ZKSCAN2: variants seen among roughly 807,000 people sequenced by gnomAD.
ZKSCAN2 encodes the protein zinc finger with KRAB and SCAN domains 2, also known as zinc finger protein with KRAB and SCAN domains 2.
ZKSCAN2 carries 38 observed loss-of-function variants against 90.5 expected under a neutral mutation model. The ratio of observed to expected loss-of-function variants is 0.42; its 90% confidence interval spans 0.32 to 0.55. The LOEUF (loss-of-function observed/expected upper bound fraction) is 0.55. ZKSCAN2 is among the 20% of genes least tolerant of loss of function. The pLI is 0.11. For missense variants in ZKSCAN2, 1,167 were observed against 1,202.6 expected, an observed-to-expected ratio of 0.97 and a Z score of 0.44; for synonymous variants, 429 against 421.6, an observed-to-expected ratio of 1.02 and a Z score of -0.22.
rs1442654824 is a variant in ZKSCAN2 at position 25,239,990 on chromosome 16, A to G, written c.2730T>C (p.Thr910=). ...GGGCACATCCATAGGGCTTCTCTCC[A>G]GTGTGTATTCTCCGATGTTCTCGAA... is the stretch of plus-strand genomic sequence containing the variant. The part of the protein sequence containing the change: ...TRFREHRRIH[T]GEKPYGCAQC... The change falls in exon 7 of 7, where the codon ACT becomes ACC. Residue 910 remains threonine, a synonymous_variant. Coordinates refer to ENST00000328086, the MANE Select transcript of ZKSCAN2 (RefSeq NM_001012981.5). 5.6e-6 allele frequency: 9 copies of G among 1,613,900 alleles called. No homozygotes were observed. The highest frequency in any genetic ancestry group is 6.8e-6 in the Non-Finnish European group (8 of 1,179,994).
At chr16:25,245,539 G>A (rs1477634988) in intron 5 of ZKSCAN2, among the ~76,000 whole-genome samples, 1 of 152,160 alleles carries the variant, frequency 6.6e-6, no homozygotes, top group Non-Finnish European at 1.5e-5. Flanking sequence ...GCCGAGGTGG[G>A]TGGATCATTT....
intron 5 of ZKSCAN2, among the ~76,000 whole-genome samples, chr16:25,245,070 G>A (rs1424911452): frequency 6.6e-6 from 1 of 152,152 alleles, no homozygotes; most frequent in East Asian, 1.9e-4. Flanking sequence ...GGTGAGACCT[G>A]TCTAGGCATA....
chr16:25,254,325 C>G (rs1963063294), intron 2 of ZKSCAN2, among the ~76,000 whole-genome samples: 1 of 152,232 alleles, frequency 6.6e-6, no homozygotes, highest in Admixed American at 6.5e-5. Context: ...TCACTGTGGA[C>G]TGGGAAGGAC....
chr16:25,248,379 G>A (rs1421454230), intron 4 of ZKSCAN2, among the ~76,000 whole-genome samples: 1 of 147,990 alleles, frequency 6.8e-6, no homozygotes, highest in East Asian at 2.0e-4. Context: ...AAAAAGATTT[G>A]CAAACCACTC....
At chr16:25,255,644 C>T (rs1427257403) in intron 1 of ZKSCAN2, among the ~76,000 whole-genome samples, 2 of 152,280 alleles carry the variant, frequency 1.3e-5, no homozygotes, top group African/African-American at 2.4e-5. Flanking sequence ...TGCAATGGCA[C>T]GATCTTGGCT....
rs368887634 is a variant in ZKSCAN2, at chr16:25,246,840, G to C, written c.1356C>G (p.Ile452Met). Reference protein sequence around the residue: ...IPVPRLKRIAISAKEHISLVE... With the variant: ...IPVPRLKRIAMSAKEHISLVE... ...CCAAGCTGATGTGTTCCTTAGCACT[G>C]ATGGCAATTCTCTTCAGTCTGGGGA... The change falls in exon 5 of 7, where the codon ATC becomes ATG. Residue 452 changes from isoleucine to methionine, a missense_variant. By Grantham distance (10) the Ile-to-Met change is conservative. Transcript: ENST00000328086. 2.1e-5 allele frequency: 34 copies of C among 1,614,212 alleles called. 1 individual carries two copies. The highest frequency in any genetic ancestry group is 6.7e-5 in the East Asian group (3 of 44,892).
chr16:25,257,101 G>A lies in ZKSCAN2; in HGVS notation c.27C>T (p.Ile9=). MAVALDSQ[I]DAPLEVEGCL... is the part of the protein sequence containing the mutation. The stretch of plus-strand genomic sequence containing the variant: ...ATCCCTCAACCTCCAGGGGCGCGTC[G>A]ATCTGAGAGTCGAGGGCGACAGCCA... Residue 9 remains isoleucine, a synonymous_variant, in exon 1 of 7, where the codon ATC becomes ATT. Coordinates refer to ENST00000328086, the MANE Select transcript of ZKSCAN2 (RefSeq NM_001012981.5). 6.2e-7 allele frequency: 1 copy of A among 1,607,580 alleles called. No individual in the cohort carries two copies. Among genetic ancestry groups the A allele is most frequent in the Admixed American group, 1.7e-5 (1 of 59,284 alleles).
In ZKSCAN2 at chr16:25,257,199, C is replaced by A; in HGVS notation, c.-72G>T. 1 of 1,506,874 alleles carries A rather than the reference C, an allele frequency of 6.6e-7. No homozygotes were observed. The allele number at this position is 1,506,874 out of a possible 1,614,324, so 93.3% of individuals were successfully genotyped here. ...CAAAGAAGACTCCAAGCGCTCCCTG[C>A]TTAATGTTCCTGGGAGTGTGATAAG... is the stretch of plus-strand genomic sequence containing the variant. On this transcript the variant is annotated 5_prime_UTR_variant, in exon 1 of 7. Coordinates refer to ENST00000328086, the MANE Select transcript of ZKSCAN2 (RefSeq NM_001012981.5).
At chr16:25,241,178 G>A (rs1962848794) in intron 6 of ZKSCAN2, among the ~76,000 whole-genome samples, 1 of 152,084 alleles carries the variant, frequency 6.6e-6, no homozygotes, top group South Asian at 2.1e-4. Context: ...CCCACCCAAG[G>A]GTACCTGTTT....
At chr16:25,256,689 C>CT (rs1368904614) in intron 1 of ZKSCAN2, 40 bp downstream of exon 1, 34 of 1,569,940 alleles carry the variant, frequency 2.2e-5, no homozygotes, top group Non-Finnish European at 2.8e-5. Flanking sequence ...TTCCCATTCC[C>CT]TTTTTTCTAA....
rs1295056088 is a variant in ZKSCAN2, at chr16:25,257,319, T to G, written c.-192A>C. ...GGCCCTTGAAAAGGTGAACGTATAC[T>G]CTAAGATGCAAAAGCCTGGCCTCTT... On this transcript the variant is annotated 5_prime_UTR_variant, in exon 1 of 7. Transcript: ENST00000328086. 2 of 1,369,942 alleles carry G rather than the reference T, an allele frequency of 1.5e-6. No homozygotes were observed. The highest frequency in any genetic ancestry group is 1.5e-5 in the African/African-American group (1 of 68,294). The allele number at this position is 1,369,942 out of a possible 1,614,324, so 84.9% of individuals were successfully genotyped here.
chr16:25,245,635 G>A (rs927839439), intron 5 of ZKSCAN2, among the ~76,000 whole-genome samples: 4 of 151,934 alleles, frequency 2.6e-5, no homozygotes, highest in African/African-American at 9.7e-5. Context: ...GCGTGGTGGT[G>A]GGTGCCTGTA....
chr16:25,242,602 T>A (rs4787309), intron 6 of ZKSCAN2, among the ~76,000 whole-genome samples: 18,082 of 152,120 alleles, frequency 0.12, 1,226 homozygotes, highest in Middle Eastern at 0.17. Flanking sequence ...CATGGAGATA[T>A]GTAGAGCCAA....
chr16:25,246,153 T>C (rs1272833839), intron 5 of ZKSCAN2: 1 of 153,574 alleles, frequency 6.5e-6, no homozygotes, highest in African/African-American at 2.4e-5. Flanking sequence ...ATAATCTTAG[T>C]TCTTTAAGTT....
chr16:25,252,189 T>A (rs1963031520), intron 3 of ZKSCAN2, 154 bp from the exon 4 acceptor site: 3 of 811,530 alleles, frequency 3.7e-6, no homozygotes, highest in South Asian at 3.8e-5. Context: ...GAAAGAATCA[T>A]AAGATGACAA....
At chr16:25,244,714 T>C (rs912280268) in intron 5 of ZKSCAN2, among the ~76,000 whole-genome samples, 1 of 152,196 alleles carries the variant, frequency 6.6e-6, no homozygotes, top group East Asian at 1.9e-4. Flanking sequence ...GACTAGAATT[T>C]CCAATAGGAA....
chr16:25,247,699 T>C lies in ZKSCAN2; in HGVS notation c.806-309A>G, dbSNP rs114923481. Among the ~76,000 whole-genome samples, 161 of 152,344 alleles carry C rather than the reference T, an allele frequency of 1.1e-3. 2 individuals carry two copies. Among genetic ancestry groups the C allele is most frequent in the African/African-American group, 3.7e-3 (152 of 41,576 alleles). ...AGCCAGTGTTGTGTTAGGTTCAGGG[T>C]ATGCTCCTACTCAGTATTTGTTACT... is the stretch of plus-strand genomic sequence containing the variant. On this transcript the variant is annotated intron_variant, in intron 4 of 6. Transcript: ENST00000328086.
rs540521578 is a variant in ZKSCAN2 at position 25,245,924 on chromosome 16, T to C, written c.1489+783A>G. The stretch of plus-strand genomic sequence containing the variant: ...ACACTAATAACAACCCTATGAGGTA[T>C]TCTTAGCCATATTTTACGGATGAGA... On this transcript the variant is annotated intron_variant, in intron 5 of 6. Coordinates refer to ENST00000328086, the MANE Select transcript of ZKSCAN2 (RefSeq NM_001012981.5). 2.6e-5 allele frequency among the ~76,000 whole-genome samples: 4 copies of C among 152,344 alleles called. No individual in the cohort carries two copies. In the East Asian group the frequency reaches 7.7e-4, roughly 29 times the overall value.
chr16:25,242,903 G>C (rs890869930), intron 6 of ZKSCAN2, among the ~76,000 whole-genome samples: 9 of 152,258 alleles, frequency 5.9e-5, no homozygotes, highest in African/African-American at 2.2e-4. Flanking sequence ...GGGACAGATA[G>C]ACGTGATAGT....
Sources: gnomAD v4.1 joint callset for allele counts (sites outside exome capture counted in the v4.1 genomes callset) on GRCh38, gnomAD v4.1.1 for gene constraint, MANE v1.5 for transcripts, NCBI Gene and HGNC (gene_info 2026-07-23, HGNC 2026-07-21) for gene names.